The following EYS variants were observed in gnomAD, a reference collection of about 807,000 sequenced individuals.
EYS encodes protein eyes shut homolog.
In EYS, 250 loss-of-function variants were observed where a neutral mutation model predicts 282.1. That is an observed-to-expected ratio of 0.89 (90% CI 0.80 to 0.98). The LOEUF (loss-of-function observed/expected upper bound fraction) is 0.98, where lower values mean the gene tolerates loss of function less well. Among genes scored for constraint, EYS ranks in the 50% least tolerant of loss-of-function variants. The pLI is 0.00. For missense variants in EYS, 4,016 were observed against 3,709.0 expected (o/e 1.08, Z -2.15); for synonymous variants, 1,355 against 1,282.9 (o/e 1.06, Z -1.20).
chr6:64,821,459 G>A (rs957742127), intron 21 of EYS, among the ~76,000 whole-genome samples, 186 bp downstream of exon 21: 3 of 151,630 alleles, frequency 2.0e-5, no homozygotes, highest in African/African-American at 7.3e-5. Flanking sequence ...AAAAGGTGGG[G>A]GAAAAAAAGC....
At chr6:64,594,435 G>A (rs115017808) in intron 24 of EYS, among the ~76,000 whole-genome samples, 2,444 of 151,862 alleles carry the variant, frequency 0.016, 59 homozygotes, top group African/African-American at 0.057. Context: ...TTTCTAGTTC[G>A]CAACCCAAAT....
In EYS at chr6:64,066,407, G is replaced by C. The variant is rs573446748; in HGVS notation, c.6656C>G (p.Ser2219Cys). 2.6e-6 allele frequency: 4 copies of C among 1,550,422 alleles called. No homozygotes were observed. Among genetic ancestry groups the C allele is most frequent in the Middle Eastern group, 1.7e-4 (1 of 5,966 alleles). ...AGCAGAAACAGTCAAAATATTTTGA[G>C]AATTTCCACACCCATATTTAACTGA... Reference protein sequence around the residue: ...RPSVKYGCGNSQNILTVSANY... With the variant: ...RPSVKYGCGNCQNILTVSANY... The change falls in exon 33 of 43, where the codon TCT becomes TGT. Residue 2219 changes from serine to cysteine, a missense_variant. By Grantham distance (112) the Ser-to-Cys change is moderately radical. Coordinates refer to ENST00000503581, the MANE Select transcript of EYS (RefSeq NM_001142800.2).
At chr6:63,932,013 T>C (rs1764909055) in intron 35 of EYS, among the ~76,000 whole-genome samples, 1 of 152,100 alleles carries the variant, frequency 6.6e-6, no homozygotes, top group Non-Finnish European at 1.5e-5. Flanking sequence ...CACATATGAA[T>C]GAGAACATGC....
intron 35 of EYS, among the ~76,000 whole-genome samples, chr6:63,955,165 C>G (rs1765762904): frequency 6.6e-6 from 1 of 152,046 alleles, no homozygotes; most frequent in African/African-American, 2.4e-5. Context: ...TTCTGTCAAA[C>G]ATAATTCCTT....
chr6:64,103,882 A>G (rs1772915813), intron 31 of EYS, among the ~76,000 whole-genome samples: 1 of 152,176 alleles, frequency 6.6e-6, no homozygotes, highest in African/African-American at 2.4e-5. Context: ...AGACTTTCTG[A>G]GCTAGGAGAG....
At chr6:64,905,163 C>T (rs1442209494) in intron 16 of EYS, among the ~76,000 whole-genome samples, 1 of 152,180 alleles carries the variant, frequency 6.6e-6, no homozygotes, top group African/African-American at 2.4e-5. Context: ...CTATGTTGTT[C>T]ACACAACAAA....
At chr6:65,151,875 A>T (rs1581959925) in intron 12 of EYS, among the ~76,000 whole-genome samples, 1 of 151,922 alleles carries the variant, frequency 6.6e-6, no homozygotes, top group East Asian at 1.9e-4. Flanking sequence ...TATTTAACTT[A>T]TATTACTGGT....
intron 35 of EYS, among the ~76,000 whole-genome samples, chr6:63,956,332 C>A (rs1380375087): frequency 6.6e-6 from 1 of 152,128 alleles, no homozygotes; most frequent in Non-Finnish European, 1.5e-5. Context: ...GACCACCGCC[C>A]CTGCCTGCCA....
At position 64,919,506 on chromosome 6, in the gene EYS, G is replaced by A. The variant is rs1002892443; in HGVS notation, c.2382-6763C>T. On this transcript the variant is annotated intron_variant, in intron 15 of 42. Coordinates refer to ENST00000503581, the MANE Select transcript of EYS (RefSeq NM_001142800.2). Reference sequence around the variant, plus strand: ...TTCTGTTTTAATATTAATAGAAAAAGGATTTCTTCTATTTAGGCCATCAAG... The same window carrying A: ...TTCTGTTTTAATATTAATAGAAAAAAGATTTCTTCTATTTAGGCCATCAAG... 8.8e-5 allele frequency among the ~76,000 whole-genome samples: 13 copies of A among 147,046 alleles called. No homozygotes were observed. In the South Asian group the frequency reaches 1.5e-3, roughly 17 times the overall value.
intron 12 of EYS, among the ~76,000 whole-genome samples, chr6:65,257,023 A>T (rs1767486343): frequency 2.3e-5 from 1 of 42,928 alleles, no homozygotes; most frequent in Non-Finnish European, 4.1e-5. Flanking sequence ...ATGGCCAGTG[A>T]TGATGAGCAT....
intron 12 of EYS, among the ~76,000 whole-genome samples, chr6:65,279,961 C>T (rs151087249): frequency 9.7e-4 from 148 of 152,228 alleles, no homozygotes; most frequent in African/African-American, 3.4e-3. Context: ...ATGAATACCT[C>T]AGGAAAGGAG....
intron 37 of EYS, among the ~76,000 whole-genome samples, chr6:63,796,493 C>T (rs1157765553): frequency 6.6e-6 from 1 of 151,996 alleles, no homozygotes; most frequent in East Asian, 1.9e-4. Flanking sequence ...TCTTTTAATT[C>T]CAATAGATTA....
At chr6:64,860,556 G>T (rs1345848556) in intron 19 of EYS, among the ~76,000 whole-genome samples, 1 of 152,232 alleles carries the variant, frequency 6.6e-6, no homozygotes, top group African/African-American at 2.4e-5. Context: ...GCACCTGGAA[G>T]TTGGATACAC....
intron 22 of EYS, among the ~76,000 whole-genome samples, chr6:64,746,101 A>C (rs990217606): frequency 2.0e-5 from 3 of 152,098 alleles, no homozygotes; most frequent in African/African-American, 7.2e-5. Context: ...ATAAAAATTT[A>C]GAAGTATGAG....
intron 12 of EYS, among the ~76,000 whole-genome samples, chr6:65,217,975 T>C (rs1766359193): frequency 6.6e-6 from 1 of 152,092 alleles, no homozygotes; most frequent in Non-Finnish European, 1.5e-5. Context: ...AGGTTTTACA[T>C]TGTCTCCATT....
chr6:65,368,590 C>T (rs532318689), intron 8 of EYS, among the ~76,000 whole-genome samples: 24 of 151,592 alleles, frequency 1.6e-4, no homozygotes, highest in Non-Finnish European at 2.5e-4. Context: ...ATGCTTCTTA[C>T]GTTATTTGAA....
At chr6:64,004,129 TCTCGCTTTTA>T (rs1373149326) in intron 33 of EYS, among the ~76,000 whole-genome samples, 1 of 152,176 alleles carries the variant, frequency 6.6e-6, no homozygotes, top group South Asian at 2.1e-4. Flanking sequence ...AATTTCTTAA[TCTCGCTTTTA>T]CTCTTAAAAA....
At chr6:64,410,084 A>C (rs1294180337) in intron 28 of EYS, among the ~76,000 whole-genome samples, 1 of 152,020 alleles carries the variant, frequency 6.6e-6, no homozygotes, top group Non-Finnish European at 1.5e-5. Context: ...TGGACTCTTA[A>C]GATTTAATAG....
intron 22 of EYS, among the ~76,000 whole-genome samples, chr6:64,707,436 G>C (rs1029491152): frequency 2.6e-5 from 4 of 152,022 alleles, no homozygotes; most frequent in African/African-American, 9.7e-5. Flanking sequence ...TTGGGAGACC[G>C]AGGTGGGCGG....
Sources: allele counts gnomAD v4.1 joint callset (sites outside exome capture counted in the v4.1 genomes callset), GRCh38; gene constraint gnomAD v4.1.1; transcripts MANE v1.5; gene names NCBI Gene and HGNC (gene_info 2026-07-23, HGNC 2026-07-21).